SPATA9: variants seen among roughly 807,000 people sequenced by gnomAD.
SPATA9 encodes spermatogenesis-associated protein 9.
In SPATA9, 27 loss-of-function variants were observed where a neutral mutation model predicts 25.5. The ratio of observed to expected loss-of-function variants is 1.06; its 90% CI spans 0.78 to 1.46. SPATA9 has a LOEUF of 1.46. Ranked by LOEUF, SPATA9 falls within the 40% of genes most tolerant of loss-of-function variation. SPATA9 has a pLI of 0.00. For synonymous variants in SPATA9, 102 were observed against 105.7 expected (o/e 0.97, Z 0.21); for missense variants, 282 against 297.5 (o/e 0.95, Z 0.38).
chr5:95,689,264 T>C (rs1005457800), intron 1 of SPATA9, among the ~76,000 whole-genome samples: 4 of 152,210 alleles, frequency 2.6e-5, no homozygotes, highest in African/African-American at 9.6e-5. Context: ...CATTATTGTA[T>C]ATAATTAATT....
intron 1 of SPATA9, among the ~76,000 whole-genome samples, chr5:95,688,116 C>T (rs1753794544): frequency 6.6e-6 from 1 of 152,182 alleles, no homozygotes; most frequent in Non-Finnish European, 1.5e-5. Context: ...TACCTGCATT[C>T]TTACATTCAT....
At chr5:95,718,139 A>T in the SPATA9 span, among the ~76,000 whole-genome samples, 158 of 152,344 alleles carry the variant, frequency 1.0e-3, 2 homozygotes, top group African/African-American at 3.3e-3. Context: ...AATAAACCTG[A>T]ACTAAAAGAT....
chr5:95,713,680 A>C, the SPATA9 span: 1 of 152,100 alleles, frequency 6.6e-6, no homozygotes, highest in African/African-American at 2.4e-5. Context: ...ACCAGTAGAT[A>C]ATCTAAGGTA....
chr5:95,669,335 C>G (rs1580309563), intron 3 of SPATA9, among the ~76,000 whole-genome samples: 1 of 152,114 alleles, frequency 6.6e-6, no homozygotes, highest in Non-Finnish European at 1.5e-5. Flanking sequence ...TCATGGCAGG[C>G]CCATGTGGGA....
chr5:95,676,578 A>G (rs1752968922), intron 2 of SPATA9, among the ~76,000 whole-genome samples: 1 of 152,254 alleles, frequency 6.6e-6, no homozygotes, highest in South Asian at 2.1e-4. Flanking sequence ...CTAGCCTGTC[A>G]GAAAATCTTA....
At chr5:95,702,739 G>A (rs1754208798), upstream of SPATA9, among the ~76,000 whole-genome samples, 1 of 152,022 alleles carries the variant, frequency 6.6e-6, no homozygotes, top group South Asian at 2.1e-4. Flanking sequence ...AAATCAACTG[G>A]GCATGGTGGC....
intron 2 of SPATA9, 65 bp downstream of exon 2, chr5:95,682,463 G>A: frequency 2.7e-6 from 3 of 1,122,264 alleles, no homozygotes; most frequent in Non-Finnish European, 3.8e-6. Flanking sequence ...ATTAAATAAT[G>A]GGTATGATAC....
chr5:95,652,402 CAT>C (rs1750396122), downstream of SPATA9: 17 of 1,517,546 alleles, frequency 1.1e-5, no homozygotes, highest in South Asian at 2.1e-4. Flanking sequence ...ACTTTAGTCT[CAT>C]ATATCTGGTT....
At chr5:95,721,714 A>C in the SPATA9 span, among the ~76,000 whole-genome samples, 3 of 151,326 alleles carry the variant, frequency 2.0e-5, no homozygotes, top group South Asian at 2.1e-4. Context: ...AAAAAGGAAC[A>C]TGAAGATCAG....
Position 95,658,863 on chromosome 5 carries a change from T to TGGAA in SPATA9, c.524_525insTTCC (p.Glu175AspfsTer14). 1 of 1,613,918 alleles carries TGGAA rather than the reference T, an allele frequency of 6.2e-7. No homozygotes were observed. The highest frequency in any genetic ancestry group is 8.5e-7 in the Non-Finnish European group (1 of 1,179,870). ...CTCTGTTTTGCCTTATGGATTCTTC[T>TGGAA]TCCTGGAAGATGTTCTTTACCTTCT... On this transcript the variant is annotated frameshift_variant, in exon 5 of 5. Transcript: ENST00000274432. LOFTEE classifies it high-confidence loss of function.
At chr5:95,698,295 T>C (rs987837250) in intron 1 of SPATA9, among the ~76,000 whole-genome samples, 2 of 152,032 alleles carry the variant, frequency 1.3e-5, no homozygotes, top group African/African-American at 4.8e-5. Context: ...GAAATGAGCA[T>C]GTTATGGTCT....
At chr5:95,663,186 C>G (rs1399342742) in intron 4 of SPATA9, among the ~76,000 whole-genome samples, 3 of 152,126 alleles carry the variant, frequency 2.0e-5, no homozygotes, top group Non-Finnish European at 4.4e-5. Context: ...TACTACACAG[C>G]AGTGAAAATG....
chr5:95,676,591 A>G (rs1752969885), intron 2 of SPATA9, among the ~76,000 whole-genome samples: 1 of 152,142 alleles, frequency 6.6e-6, no homozygotes, highest in South Asian at 2.1e-4. Context: ...AAATCTTACT[A>G]AATTCTTTCT....
downstream of SPATA9, chr5:95,652,492 T>A (rs1750402086): frequency 2.2e-6 from 2 of 901,024 alleles, no homozygotes; most frequent in Non-Finnish European, 3.0e-6. Flanking sequence ...AGCTCTTGAT[T>A]TTCCATTCTG....
chr5:95,667,114 G>A (rs1316189017), intron 3 of SPATA9, among the ~76,000 whole-genome samples: 1 of 152,074 alleles, frequency 6.6e-6, no homozygotes, highest in African/African-American at 2.4e-5. Context: ...TATTTTCTAT[G>A]TTAGGTTGAA....
chr5:95,714,757 CTG>C, the SPATA9 span, among the ~76,000 whole-genome samples: 53 of 149,004 alleles, frequency 3.6e-4, no homozygotes, highest in Non-Finnish European at 5.6e-4. Flanking sequence ...AAAAAAATCA[CTG>C]TATTTTTATA....
chr5:95,696,174 T>A (rs1754016946), intron 1 of SPATA9, among the ~76,000 whole-genome samples: 1 of 152,152 alleles, frequency 6.6e-6, no homozygotes, highest in South Asian at 2.1e-4. Context: ...GATACCCAAC[T>A]AAGCTGCACC....
At chr5:95,695,453 C>T (rs1045612622) in intron 1 of SPATA9, among the ~76,000 whole-genome samples, 1 of 152,012 alleles carries the variant, frequency 6.6e-6, no homozygotes, top group African/African-American at 2.4e-5. Flanking sequence ...CAAAAGTTAG[C>T]TGGGCGTGGT....
chr5:95,677,274 T>G (rs1753023870), intron 2 of SPATA9, among the ~76,000 whole-genome samples: 1 of 152,238 alleles, frequency 6.6e-6, no homozygotes, highest in South Asian at 2.1e-4. Flanking sequence ...TTAGCTTGCT[T>G]CTTTTTCTCC....
Sources: gnomAD v4.1 joint callset for allele counts (sites outside exome capture counted in the v4.1 genomes callset) on GRCh38, gnomAD v4.1.1 for gene constraint, MANE v1.5 for transcripts, NCBI Gene and HGNC (gene_info 2026-07-23, HGNC 2026-07-21) for gene names.